Variants in APAF1 observed in about 807,000 individuals in gnomAD.
APAF1 encodes the protein apoptotic peptidase activating factor 1.
Under a neutral mutation model 152.4 loss-of-function variants are expected in APAF1, and 91 were observed. That is an observed-to-expected ratio of 0.60 (90% CI 0.50 to 0.71). APAF1 has a LOEUF of 0.71. APAF1 is among the 30% of genes least tolerant of loss of function. APAF1 has a pLI of 0.00. For missense variants in APAF1, 1,283 were observed against 1,472.0 expected, an observed-to-expected ratio of 0.87 and a Z score of 2.10; for synonymous variants, 484 against 494.1, an observed-to-expected ratio of 0.98 and a Z score of 0.27.
chr12:98,671,437 A>G (rs1031519421), intron 11 of APAF1, 98 bp from the exon 12 acceptor site: 34 of 1,180,140 alleles, frequency 2.9e-5, no homozygotes, highest in Non-Finnish European at 4.1e-5. Flanking sequence ...TATAAAGAAT[A>G]TTTCATTTAA....
chr12:98,655,430 CCGGA>C (rs2097655738), intron 4 of APAF1, among the ~76,000 whole-genome samples: 1 of 150,476 alleles, frequency 6.6e-6, no homozygotes, highest in Admixed American at 6.6e-5. Context: ...CCCTCACCTC[CCGGA>C]CGGGGCGGCC....
intron 20 of APAF1, among the ~76,000 whole-genome samples, 158 bp from the exon 21 acceptor site, chr12:98,712,161 G>A (rs1593100046): frequency 6.6e-6 from 1 of 152,160 alleles, no homozygotes; most frequent in Non-Finnish European, 1.5e-5. Context: ...AGTGCTAAAT[G>A]CAGCTGCTAA....
intron 16 of APAF1, 110 bp downstream of exon 16, chr12:98,686,983 C>T: frequency 1.8e-6 from 2 of 1,111,584 alleles, no homozygotes; most frequent in Non-Finnish European, 1.3e-6. Flanking sequence ...GAGCCTGCTT[C>T]TTTCAATTTC....
At chr12:98,663,914 T>A (rs2097668800) in intron 7 of APAF1, among the ~76,000 whole-genome samples, 2 of 152,126 alleles carry the variant, frequency 1.3e-5, no homozygotes, top group Non-Finnish European at 1.5e-5. Flanking sequence ...CGCCTCAGCC[T>A]CCCAAAGTGC....
chr12:98,690,911 A>C (rs531066880), intron 16 of APAF1, among the ~76,000 whole-genome samples: 1 of 152,216 alleles, frequency 6.6e-6, no homozygotes, highest in East Asian at 1.9e-4. Context: ...ACAGTGTCCA[A>C]AAAGTCCTGT....
At chr12:98,727,533 C>T (rs2097752290) in intron 26 of APAF1, among the ~76,000 whole-genome samples, 1 of 115,338 alleles carries the variant, frequency 8.7e-6, no homozygotes, top group Admixed American at 1.0e-4. Flanking sequence ...GGTGACAGAG[C>T]GACATCCTGT....
intron 5 of APAF1, among the ~76,000 whole-genome samples, chr12:98,661,373 C>T (rs1010244145): frequency 2.0e-5 from 3 of 152,156 alleles, no homozygotes. Flanking sequence ...GTCAGACTAG[C>T]TTACAAAGCC....
rs572065894 is a variant in APAF1, at chr12:98,687,286, C to T, written c.2304+413C>T. Among the ~76,000 whole-genome samples the T allele has an allele frequency of 9.9e-4, 148 of 150,172 alleles. 1 individual carries two copies. Among genetic ancestry groups the T allele is most frequent in the African/African-American group, 3.4e-3 (139 of 40,800 alleles). ...GCTGAGGCAGAGAATTGCTTGAACC[C>T]GGGAGGTGGAGGTTGCAGTGAGCTG... On this transcript the variant is annotated intron_variant, in intron 16 of 26. Coordinates refer to ENST00000551964, the MANE Select transcript of APAF1 (RefSeq NM_181861.2).
intron 16 of APAF1, among the ~76,000 whole-genome samples, chr12:98,693,304 G>A (rs1022234860): frequency 6.6e-6 from 1 of 151,958 alleles, no homozygotes; most frequent in Admixed American, 6.6e-5. Flanking sequence ...ACGTTGGCCA[G>A]GCTGGTCTCA....
chr12:98,654,376 GCTTT>G (rs1422646943), intron 4 of APAF1, among the ~76,000 whole-genome samples: 1 of 152,110 alleles, frequency 6.6e-6, no homozygotes, highest in Non-Finnish European at 1.5e-5. Context: ...ATATCAGGAT[GCTTT>G]CTTTACCTTT....
chr12:98,647,474 G>A (rs1264476934), intron 1 of APAF1, among the ~76,000 whole-genome samples: 2 of 151,872 alleles, frequency 1.3e-5, no homozygotes. Flanking sequence ...CCTGGTTCAA[G>A]CAGTTCTCTT....
chr12:98,676,570 T>C (rs1462100274), intron 12 of APAF1, among the ~76,000 whole-genome samples: 2 of 152,216 alleles, frequency 1.3e-5, no homozygotes, highest in Non-Finnish European at 2.9e-5. Flanking sequence ...ATAGTTGATA[T>C]TCATTAGATT....
rs1565890896 is a variant in APAF1, at chr12:98,715,546, A to T, written c.3078A>T (p.Glu1026Asp). 6.2e-7 allele frequency: 1 copy of T among 1,613,548 alleles called. No individual in the cohort carries two copies. The highest frequency in any genetic ancestry group is 2.2e-5 in the East Asian group (1 of 44,820). The change falls in exon 22 of 27, where the codon GAA (glutamate) becomes GAT (aspartate). Residue 1026 changes from glutamate to aspartate, a missense_variant. Transcript: ENST00000551964. Reference sequence around the variant, plus strand: ...TTATTTCAAGTTCTGATGATGCTGAAATTCAGGTGAGAGGGAGGATGAACT... The same window carrying T: ...TTATTTCAAGTTCTGATGATGCTGATATTCAGGTGAGAGGGAGGATGAACT... The part of the protein sequence containing the change: ...KTLISSSDDA[E>D]IQVWNWQLDK...
At chr12:98,659,985 A>C (rs577635656) in intron 5 of APAF1, among the ~76,000 whole-genome samples, 131 of 152,216 alleles carry the variant, frequency 8.6e-4, no homozygotes, top group Middle Eastern at 3.4e-3. Flanking sequence ...CAAACTTCTT[A>C]CTTTGAATCC....
At chr12:98,704,821 C>T (rs554815984) in intron 18 of APAF1, among the ~76,000 whole-genome samples, 1 of 152,172 alleles carries the variant, frequency 6.6e-6, no homozygotes, top group Admixed American at 6.5e-5. Flanking sequence ...TCTCTGTCAC[C>T]CAGGCTGCAG....
At chr12:98,715,235 CATATATATAT>C (rs61430351) in intron 21 of APAF1, among the ~76,000 whole-genome samples, 182 bp from the exon 22 acceptor site, 1,345 of 54,730 alleles carry the variant, frequency 0.025, 41 homozygotes, top group African/African-American at 0.063. Context: ...ACATGGTGTG[CATATATATAT>C]ATATATATAT....
At chr12:98,672,656 A>T (rs1202217466) in intron 12 of APAF1, among the ~76,000 whole-genome samples, 1 of 152,144 alleles carries the variant, frequency 6.6e-6, no homozygotes, top group Non-Finnish European at 1.5e-5. Flanking sequence ...GATAGCTATT[A>T]ATACCATCTT....
intron 12 of APAF1, among the ~76,000 whole-genome samples, chr12:98,676,524 T>C (rs1475265207): frequency 4.6e-5 from 7 of 152,178 alleles, no homozygotes; most frequent in Admixed American, 4.6e-4. Flanking sequence ...ATACTTTAGA[T>C]ACTATGAGCA....
chr12:98,700,873 C>G (rs2097714664), intron 17 of APAF1, among the ~76,000 whole-genome samples: 1 of 152,154 alleles, frequency 6.6e-6, no homozygotes, highest in Non-Finnish European at 1.5e-5. Flanking sequence ...CCTTTTGTGT[C>G]TGACTCATTT....
Sources: allele counts gnomAD v4.1 joint callset (sites outside exome capture counted in the v4.1 genomes callset), GRCh38; gene constraint gnomAD v4.1.1; transcripts MANE v1.5; gene names NCBI Gene and HGNC (gene_info 2026-07-23, HGNC 2026-07-21).